Variants in EPM2A observed in about 807,000 individuals in gnomAD.
The protein encoded by EPM2A is EPM2A glucan phosphatase, laforin.
In EPM2A, 21 loss-of-function variants were observed where a neutral mutation model predicts 26.5. The observed-to-expected ratio is 0.79, with a 90% confidence interval of 0.56 to 1.14. EPM2A has a LOEUF of 1.14. Ranked by LOEUF, EPM2A falls within the 50% of genes most tolerant of loss-of-function variation. The pLI is 0.00. For synonymous variants in EPM2A, 217 were observed against 177.6 expected, an observed-to-expected ratio of 1.22 and a Z score of -1.76; for missense variants, 458 against 440.8, an observed-to-expected ratio of 1.04 and a Z score of -0.35.
rs568885463 is a variant in EPM2A at position 145,529,196 on chromosome 6, G to T, written c.341-26621C>A. Among the ~76,000 whole-genome samples the T allele has an allele frequency of 2.6e-5, 4 of 152,244 alleles. No homozygotes were observed. In the East Asian group the frequency reaches 5.8e-4, roughly 22 times the overall value. ...GAACATTGTTGAAATGACAAGAAAA[G>T]ATATAGAATATTTTATAAATTTAGT... On this transcript the variant is annotated intron_variant, in intron 2 of 3. Coordinates refer to the EPM2A transcript ENST00000450221.
At chr6:145,533,118 A>G (rs1780384039) in intron 2 of EPM2A, among the ~76,000 whole-genome samples, 1 of 152,156 alleles carries the variant, frequency 6.6e-6, no homozygotes, top group Non-Finnish European at 1.5e-5. Flanking sequence ...AAAACAAAAC[A>G]CAACAAAAAA....
At chr6:145,597,607 T>C (rs1397873895) in intron 2 of EPM2A, among the ~76,000 whole-genome samples, 1 of 152,048 alleles carries the variant, frequency 6.6e-6, no homozygotes, top group East Asian at 1.9e-4. Flanking sequence ...GGTTTGGGGG[T>C]ACATGTGAAG....
rs1252055366 is a variant in EPM2A at position 145,636,917 on chromosome 6, C to A, written c.477-1431G>T. On this transcript the variant is annotated intron_variant, in intron 2 of 3. Transcript: ENST00000367519. ...CCAGCCTGGGCGATGGGGCAAGAAC[C>A]TGTCTGAAAAAAAAAAAAAAATTAA... is the stretch of plus-strand genomic sequence containing the variant. 2.8e-5 allele frequency: 4 copies of A among 144,824 alleles called. No homozygotes were observed. The East Asian group carries it at 6.0e-4, about 22-fold the overall frequency. The allele number at this position is 144,824 out of a possible 1,614,324, so 9.0% of individuals were successfully genotyped here. A position where few individuals can be genotyped will look rare whatever the true frequency, so the allele number is the denominator to read the frequency against.
At chr6:145,546,637 T>C (rs890089203) in intron 2 of EPM2A, among the ~76,000 whole-genome samples, 2 of 152,194 alleles carry the variant, frequency 1.3e-5, no homozygotes, top group South Asian at 4.1e-4. Context: ...AGCTCCATGA[T>C]TGTAGAAACA....
intron 2 of EPM2A, among the ~76,000 whole-genome samples, chr6:145,504,984 C>G (rs1434389892): frequency 9.8e-6 from 1 of 102,514 alleles, no homozygotes; most frequent in Non-Finnish European, 2.0e-5. Context: ...TCTCAGTAAA[C>G]TATCGCAAGA....
At chr6:145,599,164 T>C (rs564498378) in intron 2 of EPM2A, among the ~76,000 whole-genome samples, 1 of 152,306 alleles carries the variant, frequency 6.6e-6, no homozygotes, top group African/African-American at 2.4e-5. Context: ...GGTAGTTTGG[T>C]AGGAATAGCA....
chr6:145,463,872 T>C (rs926808764), intron 4 of EPM2A, among the ~76,000 whole-genome samples: 2 of 152,142 alleles, frequency 1.3e-5, no homozygotes, highest in African/African-American at 2.4e-5. Flanking sequence ...TTTGGCTATG[T>C]CCCCACCCAA....
intron 1 of EPM2A, among the ~76,000 whole-genome samples, chr6:145,715,268 C>T (rs1446969871): frequency 7.9e-5 from 12 of 152,106 alleles, no homozygotes; most frequent in Admixed American, 7.9e-4. Context: ...ACAGGACACC[C>T]TTCTATGGCA....
At chr6:145,619,342 C>G (rs1341596997) in intron 2 of EPM2A, among the ~76,000 whole-genome samples, 1 of 152,190 alleles carries the variant, frequency 6.6e-6, no homozygotes, top group African/African-American at 2.4e-5. Context: ...ACTACTCCTC[C>G]TGACATCTGA....
At chr6:145,642,138 C>T (rs73006430) in intron 2 of EPM2A, among the ~76,000 whole-genome samples, 3 of 152,068 alleles carry the variant, frequency 2.0e-5, no homozygotes, top group Non-Finnish European at 2.9e-5. Context: ...AATCATGAGG[C>T]AGCACAAAGA....
intron 2 of EPM2A, chr6:145,639,414 A>G (rs765285743): frequency 6.6e-6 from 1 of 152,196 alleles, no homozygotes; most frequent in Non-Finnish European, 1.5e-5. Flanking sequence ...AGAGATACTT[A>G]TAGAGAGGCT....
intron 2 of EPM2A, among the ~76,000 whole-genome samples, chr6:145,683,896 A>G (rs1276749123): frequency 1.3e-5 from 2 of 152,212 alleles, no homozygotes; most frequent in African/African-American, 4.8e-5. Flanking sequence ...TCTTTCACAT[A>G]GTAAATATGA....
At chr6:145,717,501 A>C (rs1396291136) in intron 1 of EPM2A, among the ~76,000 whole-genome samples, 1 of 152,226 alleles carries the variant, frequency 6.6e-6, no homozygotes, top group East Asian at 1.9e-4. Flanking sequence ...ACATACCCAC[A>C]GCTAATATCA....
intron 2 of EPM2A, among the ~76,000 whole-genome samples, chr6:145,534,581 C>A (rs553001889): frequency 6.6e-6 from 1 of 152,334 alleles, no homozygotes; most frequent in South Asian, 2.1e-4. Context: ...ATGAAAGGTT[C>A]AGTCAATGCA....
chr6:145,453,198 C>G (rs1385552746), intron 4 of EPM2A, among the ~76,000 whole-genome samples: 1 of 152,124 alleles, frequency 6.6e-6, no homozygotes, highest in Non-Finnish European at 1.5e-5. Context: ...ATGCCCAGAA[C>G]AGCGTAATGT....
intron 2 of EPM2A, among the ~76,000 whole-genome samples, chr6:145,668,015 G>C (rs62440572): frequency 6.1e-4 from 81 of 132,274 alleles, no homozygotes; most frequent in Admixed American, 2.5e-3. Context: ...GGACTGTGGT[G>C]GGGTGGGGGG....
intron 1 of EPM2A, among the ~76,000 whole-genome samples, chr6:145,703,403 T>TA (rs758940977): frequency 1.3e-4 from 19 of 151,626 alleles, no homozygotes; most frequent in South Asian, 2.1e-4. Flanking sequence ...AGATATTCTT[T>TA]AAAAAAAAAC....
intron 2 of EPM2A, among the ~76,000 whole-genome samples, chr6:145,591,541 T>C (rs1183580152): frequency 6.6e-6 from 1 of 152,128 alleles, no homozygotes; most frequent in East Asian, 1.9e-4. Flanking sequence ...AAGAGTGCAG[T>C]AAAGTATTTA....
chr6:145,565,332 C>T (rs374669407), intron 2 of EPM2A, among the ~76,000 whole-genome samples: 23 of 152,128 alleles, frequency 1.5e-4, no homozygotes, highest in Non-Finnish European at 2.1e-4. Context: ...ATGTATCAGG[C>T]GCAAATGAGA....
Sources: allele counts gnomAD v4.1 joint callset (sites outside exome capture counted in the v4.1 genomes callset), GRCh38; gene constraint gnomAD v4.1.1; transcripts MANE v1.5; gene names NCBI Gene and HGNC (gene_info 2026-07-23, HGNC 2026-07-21).